Variants in LTA4H observed in about 807,000 individuals in gnomAD.
LTA4H encodes leukotriene A-4 hydrolase.
In LTA4H, 59 loss-of-function variants were observed where a neutral mutation model predicts 89.8. The ratio of observed to expected loss-of-function variants is 0.66; its 90% CI spans 0.53 to 0.82. The LOEUF (loss-of-function observed/expected upper bound fraction) is 0.82, where lower values mean the gene tolerates loss of function less well. Ranked by LOEUF, LTA4H falls within the 40% of genes least tolerant of loss-of-function variation. The pLI, the probability that LTA4H is intolerant of heterozygous loss-of-function variation, is 0.00. For missense variants in LTA4H, 617 were observed against 727.0 expected, an observed-to-expected ratio of 0.85 and a Z score of 1.74; for synonymous variants, 227 against 253.1, an observed-to-expected ratio of 0.90 and a Z score of 0.98.
Position 96,035,377 on chromosome 12 carries a change from T to C in LTA4H, c.143A>G (p.Asp48Gly). The C allele has an allele frequency of 6.2e-7, 1 of 1,610,528 alleles. No homozygotes were observed. Among genetic ancestry groups the C allele is most frequent in the South Asian group, 1.1e-5 (1 of 90,514 alleles). Reference protein sequence around the residue: ...TAALTVQSQEDNLRSLVLDTK... With the variant: ...TAALTVQSQEGNLRSLVLDTK... The stretch of plus-strand genomic sequence containing the variant: ...CCACTGTACCAGGCTGCGCAGATTG[T>C]CCTCCTGAGACTGGACCGTGAGAGC... The change falls in exon 1 of 19, where the codon GAC becomes GGC. Residue 48 changes from aspartate (D) to glycine (G), a missense_variant. By Grantham distance (94) the Asp-to-Gly change is moderately conservative (BLOSUM62 -1). Transcript: ENST00000228740.
At chr12:96,041,460 C>CTGCCTCT (rs1950685225) in intron 1 of LTA4H, among the ~76,000 whole-genome samples, 2 of 152,076 alleles carry the variant, frequency 1.3e-5, no homozygotes, top group African/African-American at 4.8e-5. Context: ...TGATTAAACT[C>CTGCCTCT]TGCCTCTTGC....
intron 12 of LTA4H, chr12:96,014,440 A>C (rs1950347277): frequency 6.3e-6 from 1 of 158,198 alleles, no homozygotes; most frequent in African/African-American, 2.4e-5. Context: ...TAAAATAATT[A>C]CATGTATTTA....
rs758344643 is a variant in LTA4H, at chr12:96,029,168, G to C, written c.177C>G (p.Asp59Glu). 4.5e-6 allele frequency: 7 copies of C among 1,541,718 alleles called. 1 individual carries two copies. Among genetic ancestry groups the C allele is most frequent in the Non-Finnish European group, 5.3e-6 (6 of 1,133,876 alleles). ...TGATCACTACTTTTTCTATTGTAAG[G>C]TCCTTTGTATCCAAAACCTAAAATT... Reference protein sequence around the residue: ...NLRSLVLDTKDLTIEKVVING... With the variant: ...NLRSLVLDTKELTIEKVVING... The change falls in exon 2 of 19, where the codon GAC becomes GAG. Residue 59 changes from aspartate (D) to glutamate (E), a missense_variant. Coordinates refer to ENST00000228740, the MANE Select transcript of LTA4H (RefSeq NM_000895.3).
upstream of LTA4H, among the ~76,000 whole-genome samples, chr12:96,038,191 A>G (rs1373423052): frequency 6.6e-6 from 1 of 152,174 alleles, no homozygotes; most frequent in African/African-American, 2.4e-5. Context: ...GTATGGTTCA[A>G]TTCTCTATCA....
chr12:96,032,787 G>C (rs1393753763), intron 1 of LTA4H, among the ~76,000 whole-genome samples: 6 of 152,126 alleles, frequency 3.9e-5, no homozygotes, highest in Non-Finnish European at 1.5e-5. Context: ...TCTAGATTTG[G>C]GGAATGTAAA....
At chr12:96,035,880 CCATTTTGGCT>C (rs1375284746), upstream of LTA4H, among the ~76,000 whole-genome samples, 2 of 152,108 alleles carry the variant, frequency 1.3e-5, no homozygotes, top group African/African-American at 4.8e-5. Flanking sequence ...CTGAACACTA[CCATTTTGGCT>C]CTGTTCAACT....
upstream of LTA4H, among the ~76,000 whole-genome samples, chr12:96,036,358 G>C (rs558415740): frequency 6.6e-6 from 1 of 152,074 alleles, no homozygotes; most frequent in Admixed American, 6.5e-5. Context: ...TTTAGGGTGG[G>C]GCCTCAAAAT....
chr12:96,027,961 C>G (rs545212668), intron 2 of LTA4H: 1 of 152,662 alleles, frequency 6.6e-6, no homozygotes, highest in African/African-American at 2.4e-5. Flanking sequence ...CAGTGCTAGT[C>G]TGCAAACTGT....
intron 15 of LTA4H, 128 bp downstream of exon 15, chr12:96,008,966 T>C: frequency 1.4e-6 from 1 of 723,268 alleles, no homozygotes; most frequent in Non-Finnish European, 2.4e-6. Context: ...TCACCTTAGA[T>C]AAACCTGACT....
At position 96,027,527 on chromosome 12, in the gene LTA4H, A is replaced by C. The variant is rs1592895144; in HGVS notation, c.328T>G (p.Ser110Ala). ...EIVIEISFET[S>A]PKSSALQWLT... ...CACTGGAGAGCAGAAGATTTTGGAG[A>C]GGTCTCAAAAGAAATTTCTATAACA... The change falls in exon 3 of 19, where the codon TCT becomes GCT. Residue 110 changes from serine (S) to alanine (A), a missense_variant. Physicochemically the swap from Ser to Ala is moderately conservative, Grantham distance 99 (BLOSUM62 1). This residue lies in a region of LTA4H where 155 missense variants were observed against 143.3 expected (regional missense o/e 1.08). Coordinates refer to ENST00000228740, the MANE Select transcript of LTA4H (RefSeq NM_000895.3). 1.2e-6 allele frequency: 2 copies of C among 1,600,862 alleles called. No individual in the cohort carries two copies. The highest frequency in any genetic ancestry group is 1.1e-5 in the South Asian group (1 of 90,422).
At chr12:96,006,475 G>T in intron 15 of LTA4H, 66 bp from the exon 16 acceptor site, 1 of 855,884 alleles carries the variant, frequency 1.2e-6, no homozygotes, top group Non-Finnish European at 1.8e-6. Context: ...TGGTTTATCT[G>T]ACATAAAAGT....
At chr12:96,014,197 G>A (rs1156387350) in intron 12 of LTA4H, 3 of 181,134 alleles carry the variant, frequency 1.7e-5, no homozygotes, top group African/African-American at 7.2e-5. Context: ...CAGGCAGAAT[G>A]GATCCAGGTG....
chr12:96,019,899 G>GA (rs1950432563), intron 6 of LTA4H, among the ~76,000 whole-genome samples: 2 of 120,930 alleles, frequency 1.7e-5, no homozygotes. Flanking sequence ...CACGCCCAGC[G>GA]TTTTTTTTTT....
Position 96,021,185 on chromosome 12 carries a change from C to T in LTA4H, c.586-48G>A, listed in dbSNP as rs751155675. ...CACCACGTGCTTGCATTAGTGTTCA[C>T]AAATGTTACACAGTAAGACAATTCA... On this transcript the variant is annotated intron_variant, in intron 5 of 18. Coordinates refer to ENST00000228740, the MANE Select transcript of LTA4H (RefSeq NM_000895.3). The T allele has an allele frequency of 6.5e-6, 9 of 1,393,614 alleles. No homozygotes were observed. The East Asian group carries it at 2.0e-4, about 30-fold the overall frequency. The allele number at this position is 1,393,614 out of a possible 1,614,324, so 86.3% of individuals were successfully genotyped here.
At position 96,015,761 on chromosome 12, in the gene LTA4H, A is replaced by G; in HGVS notation, c.948-67T>C. ...GAAGAAAAGACATTTCAATCAAGAT[A>G]TTTTCTTTTTGGCTTTTCTACAGAG... On this transcript the variant is annotated intron_variant, in intron 10 of 18. Coordinates refer to ENST00000228740, the MANE Select transcript of LTA4H (RefSeq NM_000895.3). 9 of 1,115,134 alleles carry G rather than the reference A, an allele frequency of 8.1e-6. No homozygotes were observed. The South Asian group carries it at 9.1e-5, about 11-fold the overall frequency. The allele number at this position is 1,115,134 out of a possible 1,614,324, so 69.1% of individuals were successfully genotyped here.
chr12:96,000,824 C>A lies in LTA4H; in HGVS notation c.*165G>T. 7 of 517,582 alleles carry A rather than the reference C, an allele frequency of 1.4e-5. No individual in the cohort carries two copies. Among genetic ancestry groups the A allele is most frequent in the South Asian group, 5.5e-5 (2 of 36,116 alleles). 32.1% of individuals were successfully genotyped at this position (517,582 alleles called of 1,614,324 possible). On this transcript the variant is annotated 3_prime_UTR_variant, in exon 19 of 19. Coordinates refer to ENST00000228740, the MANE Select transcript of LTA4H (RefSeq NM_000895.3). The stretch of plus-strand genomic sequence containing the variant: ...CTTGTTAAAATTTACAAAGAATATG[C>A]CACTATAAGAAGAAGTAGCTCAACT...
chr12:96,001,193 G>C, intron 18 of LTA4H, 87 bp from the exon 19 acceptor site: 1 of 811,342 alleles, frequency 1.2e-6, no homozygotes, highest in South Asian at 1.4e-5. Flanking sequence ...AGAAAGGAGG[G>C]AAGGGGTTCA....
chr12:96,022,698 C>T lies in LTA4H; in HGVS notation c.481-447G>A, dbSNP rs781246580. 9.9e-5 allele frequency among the ~76,000 whole-genome samples: 15 copies of T among 152,042 alleles called. No individual in the cohort carries two copies. The highest frequency in any genetic ancestry group is 1.6e-4 in the Non-Finnish European group (11 of 68,016). On this transcript the variant is annotated intron_variant, in intron 4 of 18. Coordinates refer to ENST00000228740, the MANE Select transcript of LTA4H (RefSeq NM_000895.3). This position sits in a 1 kb window ranked among gnomAD's most constrained non-coding sequence, Gnocchi z 4.0. ...AACTTGGGCAAATAAATATAACCCC[C>T]GAGCCTCAGTTTCCCCATCAAGTAA... is the stretch of plus-strand genomic sequence containing the variant.
chr12:96,030,613 T>A (rs893679407), intron 1 of LTA4H, among the ~76,000 whole-genome samples: 18 of 152,350 alleles, frequency 1.2e-4, no homozygotes, highest in Admixed American at 3.9e-4. Flanking sequence ...TCTTTCACAA[T>A]GTCTTCATAC....
Sources: gnomAD v4.1 joint callset for allele counts (sites outside exome capture counted in the v4.1 genomes callset) on GRCh38, gnomAD v4.1.1 for gene constraint, gnomAD v4.1.1 regional missense constraint, Gnocchi (gnomAD v3.1) non-coding constraint, MANE v1.5 for transcripts, NCBI Gene and HGNC (gene_info 2026-07-23, HGNC 2026-07-21) for gene names.